ITCH: variants seen among roughly 807,000 people sequenced by gnomAD.
ITCH encodes the protein itchy E3 ubiquitin protein ligase.
In ITCH, 28 loss-of-function variants were observed where a neutral mutation model predicts 126.8. The observed-to-expected ratio is 0.22, with a 90% confidence interval of 0.16 to 0.30. ITCH has a LOEUF of 0.30. Among genes scored for constraint, ITCH ranks in the 10% least tolerant of loss-of-function variants. The pLI is 1.00. For synonymous variants in ITCH, 342 were observed against 340.0 expected (o/e 1.01, Z -0.06); for missense variants, 631 against 1,032.4 (o/e 0.61, Z 5.33).
At chr20:34,434,105 G>T (rs997790063) in intron 7 of ITCH, among the ~76,000 whole-genome samples, 4 of 152,198 alleles carry the variant, frequency 2.6e-5, no homozygotes, top group African/African-American at 9.6e-5. Context: ...GCAGGACCTT[G>T]TCTCTACAAA....
intron 2 of ITCH, among the ~76,000 whole-genome samples, chr20:34,372,384 C>CTTTTTTTT (rs779017298): frequency 0.015 from 1,389 of 93,044 alleles, 124 homozygotes; most frequent in Non-Finnish European, 0.023. Context: ...TTAAGTTCTA[C>CTTTTTTTT]TTTTTTTTTT....
intron 20 of ITCH, among the ~76,000 whole-genome samples, chr20:34,488,351 T>A (rs1350278645): frequency 2.6e-5 from 4 of 152,202 alleles, no homozygotes; most frequent in African/African-American, 9.7e-5. Flanking sequence ...TGCGGTCATG[T>A]TTTTATGATT....
intron 23 of ITCH, 22 bp downstream of exon 23, chr20:34,492,619 T>C (rs1218016027): frequency 1.4e-6 from 2 of 1,467,884 alleles, no homozygotes; most frequent in South Asian, 2.3e-5. Context: ...GGATCACTTT[T>C]CCTATACAGA....
chr20:34,447,908 CAAG>C (rs1984664587), intron 11 of ITCH, among the ~76,000 whole-genome samples: 1 of 152,108 alleles, frequency 6.6e-6, no homozygotes, highest in African/African-American at 2.4e-5. Flanking sequence ...GGTAAAGAAA[CAAG>C]AAGAGATAGC....
At chr20:34,454,547 T>C (rs1985659581) in intron 12 of ITCH, 1 of 152,112 alleles carries the variant, frequency 6.6e-6, no homozygotes, top group Non-Finnish European at 1.5e-5. Flanking sequence ...TTTCTGTATA[T>C]TATGCACATT....
intron 13 of ITCH, among the ~76,000 whole-genome samples, chr20:34,459,772 G>A (rs1317319665): frequency 6.6e-6 from 1 of 152,146 alleles, no homozygotes; most frequent in East Asian, 1.9e-4. Context: ...AAAAAGATAT[G>A]CTTTCAACTT....
chr20:34,486,651 C>G (rs1568995660), intron 20 of ITCH, among the ~76,000 whole-genome samples: 1 of 144,782 alleles, frequency 6.9e-6, no homozygotes, highest in Non-Finnish European at 1.5e-5. Flanking sequence ...TTGTGTTTTT[C>G]ACTATTTTAT....
At chr20:34,399,953 T>G (rs2038812919) in intron 3 of ITCH, among the ~76,000 whole-genome samples, 1 of 152,070 alleles carries the variant, frequency 6.6e-6, no homozygotes, top group Non-Finnish European at 1.5e-5. Context: ...TTTTGTTTTT[T>G]TTTTAAGACG....
chr20:34,442,560 C>T (rs1344329635), intron 10 of ITCH, among the ~76,000 whole-genome samples: 6 of 152,012 alleles, frequency 3.9e-5, no homozygotes, highest in Admixed American at 2.0e-4. Context: ...GCTATGTCGC[C>T]CAGGCTGGTT....
At chr20:34,485,442 T>C (rs1989035740) in intron 20 of ITCH, among the ~76,000 whole-genome samples, 1 of 152,338 alleles carries the variant, frequency 6.6e-6, no homozygotes. Context: ...GTCAGTAATA[T>C]CTCGTGGTTT....
At chr20:34,405,774 A>G (rs1412453050) in intron 3 of ITCH, among the ~76,000 whole-genome samples, 2 of 139,956 alleles carry the variant, frequency 1.4e-5, no homozygotes, top group Non-Finnish European at 3.1e-5. Context: ...CTTTGATTTA[A>G]TAGTACTTTT....
chr20:34,463,020 T>C (rs960257423), intron 14 of ITCH, among the ~76,000 whole-genome samples: 1 of 152,088 alleles, frequency 6.6e-6, no homozygotes, highest in African/African-American at 2.4e-5. Context: ...ATTGTTTCTG[T>C]TTTTTGGGGG....
chr20:34,433,869 T>G (rs770878376), intron 7 of ITCH, among the ~76,000 whole-genome samples: 1 of 152,054 alleles, frequency 6.6e-6, no homozygotes, highest in Non-Finnish European at 1.5e-5. Flanking sequence ...TGAGAAGGAC[T>G]GACAAGAGAT....
chr20:34,456,830 C>A (rs1019396223), intron 12 of ITCH, among the ~76,000 whole-genome samples: 7 of 151,522 alleles, frequency 4.6e-5, no homozygotes, highest in Non-Finnish European at 7.4e-5. Flanking sequence ...AATCTACTTG[C>A]CTTGGCCTCC....
intron 3 of ITCH, among the ~76,000 whole-genome samples, chr20:34,397,933 A>C (rs2038732256): frequency 1.3e-5 from 2 of 152,010 alleles, no homozygotes. Context: ...ATTCTCAGAG[A>C]CAATGATTAA....
intron 19 of ITCH, 35 bp downstream of exon 19, chr20:34,480,767 T>C (rs745689481): frequency 6.1e-6 from 9 of 1,479,666 alleles, no homozygotes; most frequent in South Asian, 3.5e-5. Context: ...TATTAAAATA[T>C]AGTTATATGC....
chr20:34,394,892 A>G (rs1363338710), intron 3 of ITCH, among the ~76,000 whole-genome samples: 1 of 152,076 alleles, frequency 6.6e-6, no homozygotes, highest in African/African-American at 2.4e-5. Flanking sequence ...CCCACAGAAT[A>G]GATAGTGGTT....
At chr20:34,454,908 C>G (rs1322230587) in intron 12 of ITCH, among the ~76,000 whole-genome samples, 4 of 143,268 alleles carry the variant, frequency 2.8e-5, no homozygotes, top group African/African-American at 1.1e-4. Flanking sequence ...TGGCTCACTG[C>G]AACCTCTGCC....
chr20:34,487,012 G>GTTTTT (rs34815799), intron 20 of ITCH, among the ~76,000 whole-genome samples: 10 of 107,816 alleles, frequency 9.3e-5, no homozygotes, highest in Non-Finnish European at 1.2e-4. Flanking sequence ...TATTTGTTAG[G>GTTTTT]TTTTTTTTTT....
Sources: allele counts gnomAD v4.1 joint callset (sites outside exome capture counted in the v4.1 genomes callset), GRCh38; gene constraint gnomAD v4.1.1; transcripts MANE v1.5; gene names NCBI Gene and HGNC (gene_info 2026-07-23, HGNC 2026-07-21).